PUM2: variants seen among roughly 807,000 people sequenced by gnomAD.
PUM2 encodes pumilio RNA binding family member 2, also known as pumilio homolog 2.
A neutral mutation model predicts 124.5 loss-of-function variants in PUM2; 57 were observed. The ratio of observed to expected loss-of-function variants is 0.46; its 90% CI spans 0.37 to 0.57. The LOEUF is 0.57. Ranked by LOEUF, PUM2 falls within the 20% of genes least tolerant of loss-of-function variation. The pLI is 0.00. For synonymous variants in PUM2, 460 were observed against 446.1 expected (o/e 1.03, Z -0.39); for missense variants, 1,065 against 1,290.6 (o/e 0.83, Z 2.68).
At chr2:20,343,724 G>A (rs1245903736) in intron 1 of PUM2, among the ~76,000 whole-genome samples, 1 of 152,142 alleles carries the variant, frequency 6.6e-6, no homozygotes, top group East Asian at 1.9e-4. Context: ...CAACAAATTC[G>A]AGACTAGCCA....
At chr2:20,328,483 G>A (rs935359793) in intron 1 of PUM2, among the ~76,000 whole-genome samples, 2 of 152,212 alleles carry the variant, frequency 1.3e-5, no homozygotes, top group Middle Eastern at 3.4e-3. Flanking sequence ...GTGACCTAAA[G>A]GAAAAAGTCA....
intron 13 of PUM2, among the ~76,000 whole-genome samples, chr2:20,272,970 T>C (rs1049623060): frequency 5.9e-5 from 9 of 152,234 alleles, no homozygotes; most frequent in African/African-American, 2.2e-4. Context: ...CTAAGAGATA[T>C]ATGCTACTTT....
intron 10 of PUM2, among the ~76,000 whole-genome samples, chr2:20,286,961 G>A (rs1006713396): frequency 1.3e-5 from 2 of 151,832 alleles, no homozygotes; most frequent in African/African-American, 4.8e-5. Context: ...GTCTGTGACT[G>A]GTTAGATGAA....
chr2:20,268,183 T>C (rs776716721), intron 13 of PUM2, among the ~76,000 whole-genome samples: 8 of 152,192 alleles, frequency 5.3e-5, no homozygotes, highest in Non-Finnish European at 8.8e-5. Flanking sequence ...ACTTAAGACA[T>C]AGATAATTAC....
intron 1 of PUM2, among the ~76,000 whole-genome samples, chr2:20,334,267 C>T (rs905558830): frequency 3.3e-5 from 5 of 152,008 alleles, no homozygotes; most frequent in Admixed American, 6.6e-5. Flanking sequence ...AGCCATGGTC[C>T]GCTCCACTGC....
intron 13 of PUM2, among the ~76,000 whole-genome samples, chr2:20,269,257 G>T (rs1668474569): frequency 6.6e-6 from 1 of 152,064 alleles, no homozygotes; most frequent in Non-Finnish European, 1.5e-5. Context: ...CTGGAGTGCA[G>T]TGGCACGGTC....
At chr2:20,315,383 C>T (rs941476779) in intron 3 of PUM2, among the ~76,000 whole-genome samples, 7 of 152,114 alleles carry the variant, frequency 4.6e-5, no homozygotes, top group Non-Finnish European at 7.4e-5. Context: ...AAGAGACTCT[C>T]TTAGAATGAC....
intron 12 of PUM2, among the ~76,000 whole-genome samples, chr2:20,282,577 A>ATT (rs985455215): frequency 7.2e-5 from 11 of 152,222 alleles, no homozygotes; most frequent in Non-Finnish European, 1.6e-4. Context: ...AATACCAAAA[A>ATT]TTTAAGACGG....
chr2:20,331,469 C>CA (rs2148920509), intron 1 of PUM2, among the ~76,000 whole-genome samples: 1 of 152,216 alleles, frequency 6.6e-6, no homozygotes, highest in Non-Finnish European at 1.5e-5. Context: ...GAGCTTCGGC[C>CA]AGTAGCCTTA....
rs1668478921 is a variant in PUM2, at chr2:20,269,269, C to G, written c.1958-5809G>C. The stretch of plus-strand genomic sequence containing the variant: ...AGGCTGGAGTGCAGTGGCACGGTCT[C>G]AGCTTACTGCAAGCTCCGCCTCCCA... On this transcript the variant is annotated intron_variant, in intron 13 of 20. Coordinates refer to ENST00000361078, the MANE Select transcript of PUM2 (RefSeq NM_015317.5). 3.9e-5 allele frequency among the ~76,000 whole-genome samples: 6 copies of G among 152,230 alleles called. 1 individual carries two copies. The South Asian group carries it at 1.2e-3, about 32-fold the overall frequency.
At chr2:20,284,736 T>C (rs1296028900) in intron 10 of PUM2, among the ~76,000 whole-genome samples, 1 of 152,208 alleles carries the variant, frequency 6.6e-6, no homozygotes, top group Non-Finnish European at 1.5e-5. Flanking sequence ...ACAGTAAAAT[T>C]AGTGATAATG....
At chr2:20,345,850 C>A (rs1285634937) in intron 1 of PUM2, among the ~76,000 whole-genome samples, 2 of 152,152 alleles carry the variant, frequency 1.3e-5, no homozygotes, top group Non-Finnish European at 2.9e-5. Context: ...CCAGCCTGGG[C>A]AACAAGAGCG....
At chr2:20,288,597 A>G (rs1000589966) in intron 10 of PUM2, among the ~76,000 whole-genome samples, 1 of 152,328 alleles carries the variant, frequency 6.6e-6, no homozygotes, top group Non-Finnish European at 1.5e-5. Context: ...CGGAAAAACA[A>G]TAGCACACAG....
At chr2:20,255,162 T>C in intron 18 of PUM2, 54 bp downstream of exon 18, 1 of 1,531,602 alleles carries the variant, frequency 6.5e-7, no homozygotes, top group Non-Finnish European at 8.9e-7. Context: ...CTTTTAAAAA[T>C]TAAAACAATT....
Position 20,258,234 on chromosome 2 carries a change from T to A in PUM2, c.2484+9A>T. The A allele has an allele frequency of 6.3e-7, 1 of 1,578,432 alleles. No homozygotes were observed. Reference sequence around the variant, plus strand: ...ATAATACAAAAATTTTGTCTTAACTTACAATTACCTGCTGGTCAGAAGAAA... The same window carrying A: ...ATAATACAAAAATTTTGTCTTAACTAACAATTACCTGCTGGTCAGAAGAAA... On this transcript the variant is annotated intron_variant, in intron 16 of 20. Transcript: ENST00000361078.
At chr2:20,253,403 A>C (rs1306522857) in intron 20 of PUM2, among the ~76,000 whole-genome samples, 1 of 152,016 alleles carries the variant, frequency 6.6e-6, no homozygotes. Context: ...ATGGGGGTCT[A>C]TGTTGTCCAG....
At chr2:20,316,074 T>C (rs1680868282) in intron 3 of PUM2, among the ~76,000 whole-genome samples, 1 of 152,128 alleles carries the variant, frequency 6.6e-6, no homozygotes, top group Non-Finnish European at 1.5e-5. Flanking sequence ...TTAATTCTAA[T>C]TCAGAAAAAC....
At chr2:20,336,761 T>G (rs1686176904) in intron 1 of PUM2, among the ~76,000 whole-genome samples, 1 of 42,786 alleles carries the variant, frequency 2.3e-5, no homozygotes, top group African/African-American at 6.7e-5. Context: ...TGTGTGTGTG[T>G]GTGTGTGTGT....
intron 10 of PUM2, among the ~76,000 whole-genome samples, chr2:20,285,485 C>A (rs1202663192): frequency 6.6e-6 from 1 of 152,156 alleles, no homozygotes; most frequent in South Asian, 2.1e-4. Context: ...TACTCATGTA[C>A]CTTTTACGTA....
Sources: gnomAD v4.1 joint callset for allele counts (sites outside exome capture counted in the v4.1 genomes callset) on GRCh38, gnomAD v4.1.1 for gene constraint, MANE v1.5 for transcripts, NCBI Gene and HGNC (gene_info 2026-07-23, HGNC 2026-07-21) for gene names.